Variants in RALYL observed in about 807,000 individuals in gnomAD.
RALYL encodes RNA-binding Raly-like protein.
A neutral mutation model predicts 35.1 loss-of-function variants in RALYL; 29 were observed. The observed-to-expected ratio is 0.83, with a 90% CI of 0.61 to 1.13. The LOEUF is 1.13. RALYL is among the 50% of genes most tolerant of loss of function. RALYL has a pLI of 0.00. For synonymous variants in RALYL, 120 were observed against 127.6 expected (o/e 0.94, Z 0.40); for missense variants, 359 against 360.4 (o/e 1.00, Z 0.03).
At chr8:84,315,161 G>A (rs1255961736) in intron 1 of RALYL, among the ~76,000 whole-genome samples, 1 of 152,082 alleles carries the variant, frequency 6.6e-6, no homozygotes, top group Non-Finnish European at 1.5e-5. Context: ...TAAGCCAGAG[G>A]TTAAATAAAT....
chr8:84,461,038 T>G (rs1029680791), intron 1 of RALYL, among the ~76,000 whole-genome samples: 3 of 151,660 alleles, frequency 2.0e-5, no homozygotes, highest in African/African-American at 7.2e-5. Flanking sequence ...TTTTATTCTT[T>G]GCATTTTGAA....
At chr8:84,801,075 G>GAAC (rs1182136492) in intron 3 of RALYL, among the ~76,000 whole-genome samples, 2 of 152,094 alleles carry the variant, frequency 1.3e-5, no homozygotes, top group Non-Finnish European at 2.9e-5. Context: ...TCAATATAGT[G>GAAC]AACAACAGCT....
chr8:84,535,145 C>T (rs992693561), intron 2 of RALYL, among the ~76,000 whole-genome samples: 1 of 152,128 alleles, frequency 6.6e-6, no homozygotes, highest in Non-Finnish European at 1.5e-5. Flanking sequence ...CACAACAATG[C>T]CAATAAATAA....
chr8:84,617,686 T>A, intron 2 of RALYL, among the ~76,000 whole-genome samples: 2 of 150,158 alleles, frequency 1.3e-5, no homozygotes, highest in African/African-American at 5.0e-5. Flanking sequence ...TCAAAGGGAA[T>A]GCTTCCAGTT....
At chr8:84,290,118 A>G (rs1369191705) in intron 1 of RALYL, among the ~76,000 whole-genome samples, 1 of 152,234 alleles carries the variant, frequency 6.6e-6, no homozygotes. Flanking sequence ...TTTACTGTAT[A>G]CATCAAATGA....
At chr8:84,909,915 A>T (rs918886000) in intron 8 of RALYL, among the ~76,000 whole-genome samples, 1 of 152,090 alleles carries the variant, frequency 6.6e-6, no homozygotes, top group African/African-American at 2.4e-5. Context: ...TAAGGAGAAA[A>T]TTTCAGTTTG....
chr8:84,749,707 A>G (rs1354190257), intron 2 of RALYL, among the ~76,000 whole-genome samples: 1 of 152,190 alleles, frequency 6.6e-6, no homozygotes, highest in Non-Finnish European at 1.5e-5. Flanking sequence ...CTGGTTACCA[A>G]TTTGTCTGAG....
At chr8:84,758,833 G>A (rs1812034412) in intron 2 of RALYL, among the ~76,000 whole-genome samples, 1 of 152,172 alleles carries the variant, frequency 6.6e-6, no homozygotes, top group South Asian at 2.1e-4. Flanking sequence ...TTGAAGGAAG[G>A]CTATTGTATT....
intron 1 of RALYL, among the ~76,000 whole-genome samples, chr8:84,266,353 T>G (rs547226164): frequency 6.6e-6 from 1 of 152,332 alleles, no homozygotes; most frequent in East Asian, 1.9e-4. Flanking sequence ...GAATAGATTA[T>G]GCTCCTATTA....
At chr8:84,434,777 T>G (rs2047519080) in intron 1 of RALYL, among the ~76,000 whole-genome samples, 1 of 152,102 alleles carries the variant, frequency 6.6e-6, no homozygotes, top group African/African-American at 2.4e-5. Flanking sequence ...CCCGAGTAGC[T>G]GAGATCACAG....
intron 1 of RALYL, among the ~76,000 whole-genome samples, chr8:84,474,887 C>A (rs149080401): frequency 0.028 from 4,049 of 147,138 alleles, 95 homozygotes; most frequent in Middle Eastern, 0.038. Context: ...CCCAGCCCCA[C>A]CCCACCCTTT....
intron 1 of RALYL, among the ~76,000 whole-genome samples, chr8:84,382,100 C>T (rs2131614180): frequency 6.6e-6 from 1 of 151,256 alleles, no homozygotes; most frequent in East Asian, 2.0e-4. Context: ...TTTTCTTTCT[C>T]CTTTTATTTC....
chr8:84,220,246 A>T (rs1821866338), intron 1 of RALYL, among the ~76,000 whole-genome samples: 1 of 152,088 alleles, frequency 6.6e-6, no homozygotes. Flanking sequence ...TTAAGACTAC[A>T]TAAAGGTATT....
intron 2 of RALYL, among the ~76,000 whole-genome samples, chr8:84,596,161 G>A (rs1814475154): frequency 1.3e-5 from 2 of 151,898 alleles, no homozygotes; most frequent in Admixed American, 1.3e-4. Flanking sequence ...AAGATGTCAG[G>A]GTTTTTGGTT....
At chr8:84,265,050 T>C (rs1833027616) in intron 1 of RALYL, among the ~76,000 whole-genome samples, 1 of 152,246 alleles carries the variant, frequency 6.6e-6, no homozygotes. Context: ...AAAAGTGCTG[T>C]CATGAGCTAG....
intron 7 of RALYL, among the ~76,000 whole-genome samples, chr8:84,882,588 G>A (rs1479908263): frequency 6.6e-6 from 1 of 151,978 alleles, no homozygotes; most frequent in African/African-American, 2.4e-5. Flanking sequence ...ATTTTAATTA[G>A]TTGATTCCAC....
chr8:84,660,202 G>A (rs559075704), intron 2 of RALYL, among the ~76,000 whole-genome samples: 3 of 152,152 alleles, frequency 2.0e-5, no homozygotes, highest in South Asian at 2.1e-4. Context: ...TCAAATTTAT[G>A]TACATAAAGT....
intron 1 of RALYL, among the ~76,000 whole-genome samples, chr8:84,456,776 A>T (rs996122508): frequency 3.3e-5 from 5 of 152,034 alleles, no homozygotes; most frequent in African/African-American, 7.2e-5. Flanking sequence ...GTTTCAGCCT[A>T]CATTACATCA....
intron 2 of RALYL, among the ~76,000 whole-genome samples, chr8:84,716,053 A>G (rs772906979): frequency 1.3e-5 from 2 of 152,138 alleles, no homozygotes; most frequent in Non-Finnish European, 2.9e-5. Context: ...TATATTTCAT[A>G]TTAGACGATT....
Sources: gnomAD v4.1 joint callset for allele counts (sites outside exome capture counted in the v4.1 genomes callset) on GRCh38, gnomAD v4.1.1 for gene constraint, MANE v1.5 for transcripts, NCBI Gene and HGNC (gene_info 2026-07-23, HGNC 2026-07-21) for gene names.